The following PLA2G4A variants were observed in gnomAD, a reference collection of about 807,000 sequenced individuals.
PLA2G4A encodes the protein phospholipase A2 group IVA.
PLA2G4A carries 40 observed loss-of-function variants against 81.9 expected under a neutral mutation model. That is an observed-to-expected ratio of 0.49 (90% confidence interval 0.38 to 0.64). The LOEUF (loss-of-function observed/expected upper bound fraction) is 0.64. Among genes scored for constraint, PLA2G4A ranks in the 30% least tolerant of loss-of-function variants. The pLI is 0.00. For missense variants in PLA2G4A, 715 were observed against 905.1 expected (o/e 0.79, Z 2.69); for synonymous variants, 302 against 296.9 (o/e 1.02, Z -0.18).
chr1:186,860,488 G>A (rs1204385200), intron 2 of PLA2G4A, among the ~76,000 whole-genome samples: 6 of 152,106 alleles, frequency 3.9e-5, no homozygotes, highest in Non-Finnish European at 7.4e-5. Flanking sequence ...TTCTGTTTGG[G>A]CTCTCAACAA....
In PLA2G4A at chr1:186,965,447, G is replaced by A; in HGVS notation, c.1618G>A (p.Val540Ile). Residue 540 changes from valine to isoleucine, a missense_variant, in exon 15 of 18, where the codon GTC becomes ATC. Physicochemically the swap from Val to Ile is conservative, Grantham distance 29 (BLOSUM62 3). Transcript: ENST00000367466. ...EFERIYEPLD[V>I]KSKKIHVVDS... ...TGAGCGAATATATGAGCCTCTGGATGTCAAAAGTAAAAAGATTCATGTAGT... is the reference window on the plus strand; with the variant it reads ...TGAGCGAATATATGAGCCTCTGGATATCAAAAGTAAAAAGATTCATGTAGT... The A allele has an allele frequency of 2.5e-6, 4 of 1,611,858 alleles. No individual in the cohort carries two copies. The highest frequency in any genetic ancestry group is 3.4e-6 in the Non-Finnish European group (4 of 1,177,978).
intron 3 of PLA2G4A, among the ~76,000 whole-genome samples, chr1:186,876,336 T>G (rs75393128): frequency 0.045 from 6,908 of 152,212 alleles, 238 homozygotes; most frequent in Non-Finnish European, 0.069. Flanking sequence ...TGGAAAAATT[T>G]CTAAAAGTGA....
Position 186,894,195 on chromosome 1 carries a change from C to T in PLA2G4A, c.362C>T (p.Pro121Leu). The T allele has an allele frequency of 1.6e-6, 2 of 1,284,478 alleles. No homozygotes were observed. The highest frequency in any genetic ancestry group is 2.4e-5 in the South Asian group (2 of 84,642). 79.6% of individuals were successfully genotyped at this position (1,284,478 alleles called of 1,614,324 possible). A position where few individuals can be genotyped will look rare whatever the true frequency, so the allele number is the denominator to read the frequency against. Residue 121 changes from proline (P) to leucine (L), a missense_variant, in exon 5 of 18, where the codon CCT (proline) becomes CTT (leucine). Transcript: ENST00000367466. ...SMKVGEKKEV[P>L]FIFNQVTEMV... ...AAGGTGGGAGAAAAGAAAGAAGTTC[C>T]TTTTATTTTCAACCAAGTAAGTAAC... is the stretch of plus-strand genomic sequence containing the variant.
intron 4 of PLA2G4A, among the ~76,000 whole-genome samples, chr1:186,893,554 T>G (rs1654222581): frequency 6.6e-6 from 1 of 152,198 alleles, no homozygotes; most frequent in Non-Finnish European, 1.5e-5. Context: ...AGATAAAGTT[T>G]CGTTTTTGAA....
intron 1 of PLA2G4A, among the ~76,000 whole-genome samples, chr1:186,829,838 G>C (rs1340662950): frequency 6.6e-6 from 1 of 152,112 alleles, no homozygotes; most frequent in African/African-American, 2.4e-5. Flanking sequence ...TCCAAAACCA[G>C]AACAAGAAAT....
intron 12 of PLA2G4A, among the ~76,000 whole-genome samples, chr1:186,949,859 CAAAAAA>C (rs10592003): frequency 9.8e-4 from 145 of 147,282 alleles, no homozygotes; most frequent in Non-Finnish European, 1.0e-3. Flanking sequence ...TCATTTCTAC[CAAAAAA>C]AAAAAAAAAA....
At chr1:186,984,285 C>T (rs1368595103) in intron 17 of PLA2G4A, among the ~76,000 whole-genome samples, 2 of 152,250 alleles carry the variant, frequency 1.3e-5, no homozygotes, top group East Asian at 1.9e-4. Context: ...ACTCTATCTA[C>T]TCTTAAACCA....
chr1:186,837,325 AGAGAAGTC>A (rs1385488827), intron 1 of PLA2G4A, among the ~76,000 whole-genome samples: 1 of 152,154 alleles, frequency 6.6e-6, no homozygotes, highest in African/African-American at 2.4e-5. Context: ...ATAACCCTTC[AGAGAAGTC>A]TGTCAGTGAA....
At chr1:186,972,303 TA>T (rs1657382513) in intron 15 of PLA2G4A, among the ~76,000 whole-genome samples, 1 of 152,164 alleles carries the variant, frequency 6.6e-6, no homozygotes, top group Non-Finnish European at 1.5e-5. Flanking sequence ...AACCATTTAA[TA>T]TCTTAGATGT....
intron 3 of PLA2G4A, among the ~76,000 whole-genome samples, chr1:186,889,738 T>A (rs1654067913): frequency 6.7e-6 from 1 of 149,288 alleles, no homozygotes; most frequent in Non-Finnish European, 1.5e-5. Flanking sequence ...TTTTTGCTTT[T>A]CCTTTATTTT....
At chr1:186,983,658 A>G (rs1657800095) in intron 17 of PLA2G4A, among the ~76,000 whole-genome samples, 1 of 148,508 alleles carries the variant, frequency 6.7e-6, no homozygotes, top group Non-Finnish European at 1.5e-5. Context: ...TTCACTGAAC[A>G]TTGTCTCAAT....
At chr1:186,841,338 G>A (rs1023832625) in intron 1 of PLA2G4A, among the ~76,000 whole-genome samples, 4 of 152,124 alleles carry the variant, frequency 2.6e-5, no homozygotes, top group African/African-American at 9.7e-5. Flanking sequence ...CTTCCAAACA[G>A]TAACTTGGTA....
intron 2 of PLA2G4A, among the ~76,000 whole-genome samples, chr1:186,860,015 A>C (rs1652738999): frequency 6.6e-6 from 1 of 152,204 alleles, no homozygotes; most frequent in Non-Finnish European, 1.5e-5. Context: ...TTATTACAAA[A>C]GCACAGGACT....
At chr1:186,857,964 G>A (rs1270595668) in intron 2 of PLA2G4A, among the ~76,000 whole-genome samples, 6 of 152,090 alleles carry the variant, frequency 3.9e-5, no homozygotes, top group African/African-American at 1.4e-4. Flanking sequence ...AGTATTCCAT[G>A]GTGAATATGT....
chr1:186,951,467 CAAACAA>C (rs1557888957), intron 13 of PLA2G4A, among the ~76,000 whole-genome samples: 1 of 149,220 alleles, frequency 6.7e-6, no homozygotes, highest in African/African-American at 2.5e-5. Context: ...AAAAAGCCAA[CAAACAA>C]AAACAAAAAC....
rs570055355 is a variant in PLA2G4A, at chr1:186,927,596, A to G, written c.559-5167A>G. ...GATTCTTCTTGTCATCAGAGTGTAAAAGAGATAATGCTTTTTCTTAAGGAA... is the reference window on the plus strand; with the variant it reads ...GATTCTTCTTGTCATCAGAGTGTAAGAGAGATAATGCTTTTTCTTAAGGAA... On this transcript the variant is annotated intron_variant, in intron 7 of 17. Transcript: ENST00000367466. 4.6e-5 allele frequency among the ~76,000 whole-genome samples: 7 copies of G among 152,338 alleles called. No individual in the cohort carries two copies. The East Asian group carries it at 1.4e-3, about 29-fold the overall frequency.
At chr1:186,848,009 G>A (rs1203667444) in intron 1 of PLA2G4A, among the ~76,000 whole-genome samples, 2 of 152,126 alleles carry the variant, frequency 1.3e-5, no homozygotes, top group East Asian at 1.9e-4. Flanking sequence ...AGAACCCTGG[G>A]AAGAATCTTA....
intron 7 of PLA2G4A, among the ~76,000 whole-genome samples, chr1:186,915,567 T>G (rs932820324): frequency 1.3e-5 from 2 of 152,124 alleles, no homozygotes; most frequent in Non-Finnish European, 2.9e-5. Flanking sequence ...AATTTGCCTG[T>G]TTTTATGGGC....
At chr1:186,834,253 G>A (rs1651699484) in intron 1 of PLA2G4A, among the ~76,000 whole-genome samples, 2 of 151,642 alleles carry the variant, frequency 1.3e-5, no homozygotes, top group South Asian at 4.2e-4. Flanking sequence ...ATTTTCACAG[G>A]CTTTGTGGTT....
Sources: gnomAD v4.1 joint callset for allele counts (sites outside exome capture counted in the v4.1 genomes callset) on GRCh38, gnomAD v4.1.1 for gene constraint, MANE v1.5 for transcripts, NCBI Gene and HGNC (gene_info 2026-07-23, HGNC 2026-07-21) for gene names.